MEGF10: variants seen among roughly 807,000 people sequenced by gnomAD.
MEGF10 encodes multiple epidermal growth factor-like domains protein 10.
MEGF10 carries 86 observed loss-of-function variants against 147.5 expected under a neutral mutation model. That is an observed-to-expected ratio of 0.58 (90% CI 0.49 to 0.70). The LOEUF (loss-of-function observed/expected upper bound fraction) is 0.70, where lower values mean the gene tolerates loss of function less well. MEGF10 is among the 30% of genes least tolerant of loss of function. The pLI is 0.00. For missense variants in MEGF10, 1,329 were observed against 1,487.3 expected (o/e 0.89, Z 1.75); for synonymous variants, 478 against 525.5 (o/e 0.91, Z 1.24).
chr5:127,307,138 C>T (rs1046622997), intron 1 of MEGF10, among the ~76,000 whole-genome samples: 1 of 152,014 alleles, frequency 6.6e-6, no homozygotes, highest in African/African-American at 2.4e-5. Flanking sequence ...GTTAGATAAC[C>T]CAGAATACTA....
chr5:127,260,611 C>T, the MEGF10 span, among the ~76,000 whole-genome samples: 6 of 152,172 alleles, frequency 3.9e-5, no homozygotes, highest in South Asian at 4.2e-4. Context: ...TAGTTGGCTA[C>T]GTGGTGGAGA....
At chr5:127,435,761 C>T (rs1006537477) in intron 16 of MEGF10, among the ~76,000 whole-genome samples, 2 of 151,902 alleles carry the variant, frequency 1.3e-5, no homozygotes, top group African/African-American at 4.8e-5. Flanking sequence ...ATTCATCGTC[C>T]ATTGAAATAA....
chr5:127,404,394 C>T (rs547600179), intron 8 of MEGF10, among the ~76,000 whole-genome samples: 2 of 152,070 alleles, frequency 1.3e-5, no homozygotes, highest in South Asian at 4.2e-4. Context: ...GCGGTTTTTA[C>T]CATTGAAAGT....
At chr5:127,337,378 A>G (rs1046079061) in intron 2 of MEGF10, among the ~76,000 whole-genome samples, 16 of 152,096 alleles carry the variant, frequency 1.1e-4, no homozygotes, top group African/African-American at 3.1e-4. Context: ...CTCAGGCCAC[A>G]TAGTTATATT....
chr5:127,382,037 T>A (rs1177570096), intron 5 of MEGF10, among the ~76,000 whole-genome samples: 1 of 152,202 alleles, frequency 6.6e-6, no homozygotes, highest in Non-Finnish European at 1.5e-5. Flanking sequence ...TTTTTGTGAG[T>A]GTGTTAAAGA....
At chr5:127,407,176 A>G (rs758203022) in intron 8 of MEGF10, among the ~76,000 whole-genome samples, 10 of 152,160 alleles carry the variant, frequency 6.6e-5, no homozygotes, top group Non-Finnish European at 1.5e-4. Flanking sequence ...GCTCTTTCCC[A>G]GTGCTTTTTA....
chr5:127,438,099 A>T (rs1431192178), intron 16 of MEGF10, among the ~76,000 whole-genome samples: 1 of 151,994 alleles, frequency 6.6e-6, no homozygotes, highest in Non-Finnish European at 1.5e-5. Context: ...TTTGTCTTAT[A>T]CTCTGCTATC....
rs576697713 is a variant in MEGF10, at chr5:127,457,408, A to T, written c.*90A>T. 2.9e-6 allele frequency: 4 copies of T among 1,391,338 alleles called. No individual in the cohort carries two copies. The highest frequency in any genetic ancestry group is 5.0e-5 in the Admixed American group (2 of 39,900). The allele number at this position is 1,391,338 out of a possible 1,614,324, so 86.2% of individuals were successfully genotyped here. ...CCTCAATTTTGCCACTTTCATGTGA[A>T]TGTTAGTCAATTCGGTGGGCAATTT... On this transcript the variant is annotated 3_prime_UTR_variant, in exon 25 of 25. Transcript: ENST00000503335.
intron 4 of MEGF10, among the ~76,000 whole-genome samples, chr5:127,364,397 C>G (rs1439370769): frequency 1.3e-5 from 2 of 152,180 alleles, no homozygotes; most frequent in Non-Finnish European, 2.9e-5. Flanking sequence ...TCTGAAACCT[C>G]TCTTATTATC....
chr5:127,234,193 A>G, the MEGF10 span, among the ~76,000 whole-genome samples: 6 of 152,304 alleles, frequency 3.9e-5, no homozygotes, highest in East Asian at 1.2e-3. Context: ...TCCACCTCCA[A>G]CACGATGTAT....
the MEGF10 span, among the ~76,000 whole-genome samples, chr5:127,274,142 T>C: frequency 6.6e-6 from 1 of 152,140 alleles, no homozygotes; most frequent in African/African-American, 2.4e-5. Flanking sequence ...TGGTGTTTTC[T>C]ACAAAGAAAC....
intron 1 of MEGF10, among the ~76,000 whole-genome samples, chr5:127,291,909 C>A (rs1759275998): frequency 6.6e-6 from 1 of 152,134 alleles, no homozygotes; most frequent in Admixed American, 6.5e-5. Context: ...AGTTGGAGAT[C>A]TTATTAGCCA....
intron 1 of MEGF10, among the ~76,000 whole-genome samples, chr5:127,306,791 G>T (rs1760032784): frequency 6.6e-6 from 1 of 152,226 alleles, no homozygotes; most frequent in Non-Finnish European, 1.5e-5. Flanking sequence ...ATGCTTTTAG[G>T]AGGTTTCGCT....
In MEGF10 at chr5:127,360,763, A is replaced by G. The variant is rs906541923; in HGVS notation, c.320-9147A>G. Among the ~76,000 whole-genome samples the G allele has an allele frequency of 1.8e-4, 28 of 151,768 alleles. 1 individual carries two copies. The highest frequency in any genetic ancestry group is 1.4e-3 in the Admixed American group (22 of 15,234). ...CATATATGTGATTATTGTATCATTC[A>G]GGTCTACTTAGGTTATATATATGTA... On this transcript the variant is annotated intron_variant, in intron 4 of 24. Coordinates refer to ENST00000503335, the MANE Select transcript of MEGF10 (RefSeq NM_001256545.2).
At chr5:127,368,375 T>C (rs1762728722) in intron 4 of MEGF10, among the ~76,000 whole-genome samples, 1 of 152,208 alleles carries the variant, frequency 6.6e-6, no homozygotes, top group Non-Finnish European at 1.5e-5. Flanking sequence ...GCTAAAGAGT[T>C]GTTCTGATGA....
intron 1 of MEGF10, among the ~76,000 whole-genome samples, chr5:127,298,193 T>A (rs1447141860): frequency 6.6e-6 from 1 of 152,164 alleles, no homozygotes; most frequent in Non-Finnish European, 1.5e-5. Flanking sequence ...CCCATCTTTT[T>A]CTGAAGGCTA....
chr5:127,321,656 G>T (rs1397017648), intron 1 of MEGF10, among the ~76,000 whole-genome samples: 2 of 152,128 alleles, frequency 1.3e-5, no homozygotes, highest in African/African-American at 4.8e-5. Context: ...GTATTTGAAG[G>T]TCAGCTTAAT....
chr5:127,266,324 C>A, the MEGF10 span, among the ~76,000 whole-genome samples: 3 of 151,860 alleles, frequency 2.0e-5, no homozygotes, highest in African/African-American at 7.3e-5. Context: ...GTTACTGTAG[C>A]CTTGTAGTAT....
chr5:127,431,580 A>G (rs1489039206), intron 13 of MEGF10, among the ~76,000 whole-genome samples: 1 of 152,204 alleles, frequency 6.6e-6, no homozygotes, highest in East Asian at 1.9e-4. Context: ...CTTCTTCAAA[A>G]TCTTCGTTGG....
Sources: allele counts gnomAD v4.1 joint callset (sites outside exome capture counted in the v4.1 genomes callset), GRCh38; gene constraint gnomAD v4.1.1; transcripts MANE v1.5; gene names NCBI Gene and HGNC (gene_info 2026-07-23, HGNC 2026-07-21).